Variants in AVEN observed in about 807,000 individuals in gnomAD.
The protein encoded by AVEN is apoptosis and caspase activation inhibitor.
Under a neutral mutation model 38.1 loss-of-function variants are expected in AVEN, and 41 were observed. The ratio of observed to expected loss-of-function variants is 1.08; its 90% CI spans 0.84 to 1.40. The LOEUF (loss-of-function observed/expected upper bound fraction) is 1.40. Among genes scored for constraint, AVEN ranks in the 40% most tolerant of loss-of-function variants. The pLI, the probability that AVEN is intolerant of heterozygous loss-of-function variation, is 0.00. For synonymous variants in AVEN, 206 were observed against 171.8 expected (o/e 1.20, Z -1.56); for missense variants, 605 against 438.8 (o/e 1.38, Z -3.38).
intron 3 of AVEN, 82 bp downstream of exon 3, chr15:33,875,843 A>T: frequency 7.7e-7 from 1 of 1,295,200 alleles, no homozygotes; most frequent in Non-Finnish European, 1.1e-6. Context: ...CTACATGAAG[A>T]CTCTATCTCA....
chr15:33,949,420 A>G (rs1461270317), intron 2 of AVEN, among the ~76,000 whole-genome samples: 2 of 152,230 alleles, frequency 1.3e-5, no homozygotes, highest in Non-Finnish European at 2.9e-5. Flanking sequence ...TTCTCTATAC[A>G]AAGAAATTCT....
At chr15:33,949,999 G>T (rs756099440) in intron 2 of AVEN, among the ~76,000 whole-genome samples, 1 of 151,958 alleles carries the variant, frequency 6.6e-6, no homozygotes, top group Admixed American at 6.6e-5. Context: ...AAGAAAATGT[G>T]ATATATATAT....
At chr15:33,948,273 T>G (rs111377650) in intron 2 of AVEN, among the ~76,000 whole-genome samples, 131 of 152,138 alleles carry the variant, frequency 8.6e-4, no homozygotes, top group African/African-American at 3.0e-3. Flanking sequence ...ATTTTTGTAT[T>G]TTTAGTAGAG....
At position 34,036,430 on chromosome 15, in the gene AVEN, T is replaced by A. The variant is rs1337761080; in HGVS notation, c.267+2350A>T. On this transcript the variant is annotated intron_variant, in intron 1 of 5. Transcript: ENST00000306730. ...TCTTTACATGGCTAGGAGTCTATTA[T>A]GATTTTTTTTTCCTTTGATCATTTC... Among the ~76,000 whole-genome samples, 4 of 152,336 alleles carry A rather than the reference T, an allele frequency of 2.6e-5. No homozygotes were observed. The East Asian group carries it at 7.7e-4, about 29-fold the overall frequency.
exon 5 of AVEN, chr15:34,062,969 G>A (rs1337536950): frequency 6.2e-7 from 1 of 1,613,900 alleles, no homozygotes; most frequent in Middle Eastern, 1.6e-4. Context: ...TCTTCTCCAT[G>A]AACCTCTACA....
intron 2 of AVEN, among the ~76,000 whole-genome samples, chr15:33,992,472 T>C (rs1757321270): frequency 6.6e-6 from 1 of 152,240 alleles, no homozygotes; most frequent in Non-Finnish European, 1.5e-5. Flanking sequence ...TATCGGAGTT[T>C]TCCTTGTTTT....
chr15:33,911,925 A>G (rs1225930066), intron 2 of AVEN, among the ~76,000 whole-genome samples: 11 of 152,300 alleles, frequency 7.2e-5, no homozygotes, highest in Non-Finnish European at 7.4e-5. Flanking sequence ...AAGTCAGTTC[A>G]CTATTTTTAT....
chr15:33,871,089 TAAAAG>T (rs1170165397), intron 3 of AVEN, 59 bp from the exon 4 acceptor site: 9 of 1,126,698 alleles, frequency 8.0e-6, no homozygotes, highest in Non-Finnish European at 8.2e-6. Flanking sequence ...CTTTTGGAAA[TAAAAG>T]AAGAAACTGT....
At chr15:34,016,100 A>G (rs1766595997) in intron 1 of AVEN, among the ~76,000 whole-genome samples, 1 of 152,218 alleles carries the variant, frequency 6.6e-6, no homozygotes. Flanking sequence ...AACATGGAGA[A>G]ACCCCGTCTC....
chr15:33,857,720 G>A, downstream of AVEN: 1 of 1,601,680 alleles, frequency 6.2e-7, no homozygotes, highest in Non-Finnish European at 8.5e-7. Flanking sequence ...AGTCTCCTGT[G>A]AACCTTTCAA....
chr15:33,892,074 G>T (rs1891997795), intron 2 of AVEN, among the ~76,000 whole-genome samples: 2 of 151,912 alleles, frequency 1.3e-5, no homozygotes, highest in Non-Finnish European at 2.9e-5. Context: ...TTTTGATGGG[G>T]TTGTTTTTTT....
chr15:33,896,169 C>T (rs552903109), intron 2 of AVEN, among the ~76,000 whole-genome samples: 3 of 152,240 alleles, frequency 2.0e-5, no homozygotes, highest in South Asian at 4.1e-4. Context: ...TATGACTGCA[C>T]TCAACAAGGT....
At chr15:33,869,123 G>T (rs1890827784) in intron 4 of AVEN, among the ~76,000 whole-genome samples, 1 of 152,164 alleles carries the variant, frequency 6.6e-6, no homozygotes, top group South Asian at 2.1e-4. Context: ...ATCCAGCAGA[G>T]TCAGTCAGTT....
At chr15:33,931,755 T>A (rs1893862508) in intron 2 of AVEN, among the ~76,000 whole-genome samples, 1 of 152,148 alleles carries the variant, frequency 6.6e-6, no homozygotes, top group African/African-American at 2.4e-5. Flanking sequence ...TTTAAAAAAA[T>A]AAAGAGCTTG....
At chr15:33,961,583 G>A (rs1318844595) in intron 2 of AVEN, among the ~76,000 whole-genome samples, 2 of 152,018 alleles carry the variant, frequency 1.3e-5, no homozygotes, top group South Asian at 2.1e-4. Flanking sequence ...GGAGGCCAAG[G>A]TGGGCGAATC....
downstream of AVEN, chr15:33,857,998 G>A: frequency 6.4e-7 from 1 of 1,562,932 alleles, no homozygotes. Context: ...AGGGCTGTGT[G>A]GGGGTGCTCT....
downstream of AVEN, among the ~76,000 whole-genome samples, chr15:33,863,889 T>C (rs1889449607): frequency 6.6e-6 from 1 of 152,200 alleles, no homozygotes; most frequent in South Asian, 2.1e-4. Context: ...TTGCAAGTGA[T>C]CTTACTTAGT....
intron 2 of AVEN, among the ~76,000 whole-genome samples, chr15:33,879,102 C>T (rs1435764758): frequency 4.6e-5 from 7 of 151,936 alleles, no homozygotes; most frequent in Non-Finnish European, 5.9e-5. Flanking sequence ...CACATGCACA[C>T]GTATGTTTAC....
chr15:33,866,470 G>C lies in AVEN; in HGVS notation c.*143C>G, dbSNP rs183497797. The C allele has an allele frequency of 6.5e-6, 4 of 616,398 alleles. No homozygotes were observed. Among genetic ancestry groups the C allele is most frequent in the African/African-American group, 3.7e-5 (2 of 54,172 alleles). 38.2% of individuals were successfully genotyped at this position (616,398 alleles called of 1,614,324 possible). On this transcript the variant is annotated 3_prime_UTR_variant, in exon 6 of 6. Coordinates refer to ENST00000306730, the MANE Select transcript of AVEN (RefSeq NM_020371.3). Reference sequence around the variant, plus strand: ...TATTCTTTCAGATGTCAAACACAGAGGTAGGCATTTACTGCTGTGAGCATA... The same window carrying C: ...TATTCTTTCAGATGTCAAACACAGACGTAGGCATTTACTGCTGTGAGCATA...
Sources: allele counts gnomAD v4.1 joint callset (sites outside exome capture counted in the v4.1 genomes callset), GRCh38; gene constraint gnomAD v4.1.1; transcripts MANE v1.5; gene names NCBI Gene and HGNC (gene_info 2026-07-23, HGNC 2026-07-21).